The following CEP350 variants were observed in gnomAD, a reference collection of about 807,000 sequenced individuals.
CEP350 encodes centrosomal protein 350.
A neutral mutation model predicts 331.8 loss-of-function variants in CEP350; 126 were observed. The observed-to-expected ratio is 0.38, with a 90% CI of 0.33 to 0.44. CEP350 has a LOEUF of 0.44. Ranked by LOEUF, CEP350 falls within the 20% of genes least tolerant of loss-of-function variation. The probability of loss-of-function intolerance (pLI) is 1.00; values close to 1 mark genes in which losing one functional copy is unlikely to be tolerated. For synonymous variants in CEP350, 1,200 were observed against 1,259.5 expected (o/e 0.95, Z 1.00); for missense variants, 3,406 against 3,634.6 (o/e 0.94, Z 1.62).
At chr1:180,034,373 C>T (rs78732361) in intron 16 of CEP350, among the ~76,000 whole-genome samples, 18,175 of 151,992 alleles carry the variant, frequency 0.12, 1,170 homozygotes, top group South Asian at 0.16. Context: ...CACACATGTA[C>T]GCATGCACAC....
chr1:179,956,205 G>A (rs1186500344), intron 1 of CEP350, among the ~76,000 whole-genome samples: 8 of 152,040 alleles, frequency 5.3e-5, no homozygotes, highest in Non-Finnish European at 1.0e-4. Context: ...AATTAGTTTC[G>A]GTGTGCTAAA....
chr1:180,051,486 C>T (rs1017805838), intron 22 of CEP350, among the ~76,000 whole-genome samples: 2 of 151,940 alleles, frequency 1.3e-5, no homozygotes, highest in Admixed American at 6.6e-5. Context: ...CACGGAGCAA[C>T]GTTTAGGATG....
chr1:180,072,105 AT>A (rs1658930837), intron 27 of CEP350, among the ~76,000 whole-genome samples: 1 of 152,188 alleles, frequency 6.6e-6, no homozygotes. Context: ...GAATGTATTT[AT>A]ATTTACACTC....
rs1335053833 is a variant in CEP350 at position 180,054,458 on chromosome 1, C to T, written c.5218C>T (p.Arg1740Trp). The T allele has an allele frequency of 3.6e-5, 58 of 1,601,948 alleles. No individual in the cohort carries two copies. Among genetic ancestry groups the T allele is most frequent in the Middle Eastern group, 3.3e-4 (2 of 6,076 alleles). Residue 1740 changes from arginine (R) to tryptophan (W), a missense_variant, in exon 25 of 38, where the codon CGG becomes TGG. Transcript: ENST00000367607. ...KGEDDKMPPL[R>W]KKQRGLLLRL... Reference sequence around the variant, plus strand: ...AGAGGATGATAAAATGCCCCCGCTCCGGAAGAAACAGCGTGGTTTGCTTTT... The same window carrying T: ...AGAGGATGATAAAATGCCCCCGCTCTGGAAGAAACAGCGTGGTTTGCTTTT...
At chr1:180,095,425 T>C in intron 34 of CEP350, 98 bp from the exon 35 acceptor site, 1 of 1,315,604 alleles carries the variant, frequency 7.6e-7, no homozygotes, top group Non-Finnish European at 1.0e-6. Flanking sequence ...TAGAGAAATA[T>C]TAGATATATA....
chr1:180,005,360 C>G (rs972661237), intron 7 of CEP350, among the ~76,000 whole-genome samples: 3 of 152,086 alleles, frequency 2.0e-5, no homozygotes, highest in Non-Finnish European at 2.9e-5. Flanking sequence ...AATTCTATCC[C>G]TCTAATTGTT....
intron 22 of CEP350, among the ~76,000 whole-genome samples, chr1:180,050,756 A>C (rs1657448868): frequency 6.6e-6 from 1 of 152,120 alleles, no homozygotes; most frequent in Non-Finnish European, 1.5e-5. Context: ...CTGAACAGAT[A>C]CTTCATTGAA....
rs768150802 is a variant in CEP350 at position 180,024,510 on chromosome 1, GC to G, written c.3481del (p.Gln1161SerfsTer81). 6.2e-7 allele frequency: 1 copy of G among 1,613,468 alleles called. No homozygotes were observed. The highest frequency in any genetic ancestry group is 1.1e-5 in the South Asian group (1 of 91,062). ...VDVTSQHSSGAQSAASSRSST... is the reference protein window; with the variant it reads ...VDVTSQHSSGXQSAASSRSST... ...TGTTACCTCCCAGCATTCATCAGGA[GC>G]CCAGTCTGCTGCATCGTCTCGTTCA... On this transcript the variant is annotated frameshift_variant, in exon 14 of 38. Transcript: ENST00000367607. LOFTEE classifies it high-confidence loss of function.
intron 32 of CEP350, among the ~76,000 whole-genome samples, chr1:180,090,187 G>A (rs1355369811): frequency 6.6e-6 from 1 of 152,134 alleles, no homozygotes; most frequent in East Asian, 1.9e-4. Flanking sequence ...CATGCCTGTT[G>A]GCCTCTGTTT....
At position 180,112,467 on chromosome 1, in the gene CEP350, G is replaced by A. The variant is rs1276948109; in HGVS notation, c.*1306G>A. On this transcript the variant is annotated 3_prime_UTR_variant, in exon 38 of 38. Coordinates refer to ENST00000367607, the MANE Select transcript of CEP350 (RefSeq NM_014810.5). ...CTTCTCACAACTATTACCTGCATCT[G>A]AAAAAAAATCTATAGACTCCAGCTG... 1 of 152,420 alleles carries A rather than the reference G, an allele frequency of 6.6e-6. No individual in the cohort carries two copies. The highest frequency in any genetic ancestry group is 1.5e-5 in the Non-Finnish European group (1 of 68,002). The allele number at this position is 152,420 out of a possible 1,614,324, so 9.4% of individuals were successfully genotyped here.
At chr1:180,102,626 A>G (rs1049065618) in intron 37 of CEP350, among the ~76,000 whole-genome samples, 2 of 152,100 alleles carry the variant, frequency 1.3e-5, no homozygotes, top group Admixed American at 6.5e-5. Flanking sequence ...AAAGAATAGA[A>G]AATAATATAG....
chr1:180,073,219 C>T (rs1470148706), intron 27 of CEP350, among the ~76,000 whole-genome samples: 1 of 152,080 alleles, frequency 6.6e-6, no homozygotes, highest in Non-Finnish European at 1.5e-5. Flanking sequence ...CAAGATACCT[C>T]CAGTAGGTCC....
At position 180,044,124 on chromosome 1, in the gene CEP350, T is replaced by A; in HGVS notation, c.4573T>A (p.Ser1525Thr). 6.4e-7 allele frequency: 1 copy of A among 1,566,082 alleles called. No homozygotes were observed. The highest frequency in any genetic ancestry group is 1.2e-5 in the South Asian group (1 of 85,172). Reference protein sequence around the residue: ...LDSKHQKYSASYDSYSESSGY... With the variant: ...LDSKHQKYSATYDSYSESSGY... ...CTCAAAGCATCAGAAGTATTCTGCT[T>A]CATATGATAGTTATTCTGAGTCTTC... The change falls in exon 21 of 38, where the codon TCA becomes ACA. Residue 1525 changes from serine (S) to threonine (T), a missense_variant. Coordinates refer to ENST00000367607, the MANE Select transcript of CEP350 (RefSeq NM_014810.5).
intron 8 of CEP350, among the ~76,000 whole-genome samples, chr1:180,010,392 A>G (rs1380396252): frequency 7.1e-6 from 1 of 139,944 alleles, no homozygotes; most frequent in Non-Finnish European, 1.5e-5. Context: ...CTGACACATA[A>G]TCCCATGTTT....
At chr1:179,991,707 G>GTGTGTATATATATATATA (rs1385981536) in intron 4 of CEP350, among the ~76,000 whole-genome samples, 1 of 96,942 alleles carries the variant, frequency 1.0e-5, no homozygotes, top group African/African-American at 3.8e-5. Context: ...GTGTGTGTGT[G>GTGTGTATATATATATATA]TATATATATA....
intron 14 of CEP350, 27 bp from the exon 15 acceptor site, chr1:180,031,293 C>A (rs772076670): frequency 2.1e-6 from 3 of 1,429,598 alleles, no homozygotes; most frequent in Non-Finnish European, 9.7e-7. Context: ...TATTGGGAAT[C>A]AGCTTTATAA....
chr1:179,965,152 G>A (rs1423798680), intron 1 of CEP350, among the ~76,000 whole-genome samples: 2 of 151,952 alleles, frequency 1.3e-5, no homozygotes, highest in Non-Finnish European at 2.9e-5. Flanking sequence ...TTAATTTGTT[G>A]TTTAACCAAG....
chr1:180,107,879 GTAAT>G (rs1366950718), intron 37 of CEP350, among the ~76,000 whole-genome samples: 1 of 151,944 alleles, frequency 6.6e-6, no homozygotes, highest in Non-Finnish European at 1.5e-5. Flanking sequence ...TCTTTTAGAT[GTAAT>G]TAATTAAGCT....
intron 11 of CEP350, among the ~76,000 whole-genome samples, chr1:180,018,229 G>T (rs1259582148): frequency 6.6e-6 from 1 of 151,970 alleles, no homozygotes; most frequent in African/African-American, 2.4e-5. Flanking sequence ...TGCCCAGGCT[G>T]GTCTTGAACT....
Sources: allele counts gnomAD v4.1 joint callset (sites outside exome capture counted in the v4.1 genomes callset), GRCh38; gene constraint gnomAD v4.1.1; transcripts MANE v1.5; gene names NCBI Gene and HGNC (gene_info 2026-07-23, HGNC 2026-07-21).